The following EMP2 variants were observed in gnomAD, a reference collection of about 807,000 sequenced individuals.
EMP2 encodes epithelial membrane protein 2.
In EMP2, 19 loss-of-function variants were observed where a neutral mutation model predicts 13.7. The ratio of observed to expected loss-of-function variants is 1.38; its 90% CI spans 0.97 to 2.03. EMP2 has a LOEUF of 2.03. EMP2 is among the 30% of genes most tolerant of loss of function. EMP2 has a pLI of 0.00. For missense variants in EMP2, 253 were observed against 220.7 expected (o/e 1.15, Z -0.93); for synonymous variants, 97 against 84.7 (o/e 1.15, Z -0.80).
chr16:10,543,692 C>T (rs1231107404), intron 2 of EMP2, 32 bp from the exon 3 acceptor site: 1 of 1,607,260 alleles, frequency 6.2e-7, no homozygotes, highest in Non-Finnish European at 8.5e-7. Context: ...GAGAGAAAGG[C>T]CGTCCGTTCA....
intron 1 of EMP2, among the ~76,000 whole-genome samples, chr16:10,558,814 C>T (rs2050851323): frequency 6.6e-6 from 1 of 152,096 alleles, no homozygotes; most frequent in African/African-American, 2.4e-5. Flanking sequence ...GCCCAGCTGG[C>T]TTCCCGCGGA....
intron 1 of EMP2, chr16:10,578,242 G>A (rs887057455): frequency 6.6e-6 from 1 of 152,198 alleles, no homozygotes. Context: ...AAATGGGCTG[G>A]TTGATCCTCC....
chr16:10,563,444 G>C (rs1472381096), intron 1 of EMP2, among the ~76,000 whole-genome samples: 1 of 152,148 alleles, frequency 6.6e-6, no homozygotes, highest in Non-Finnish European at 1.5e-5. Flanking sequence ...CACCTGCCTT[G>C]GTCTCCCAAA....
intron 1 of EMP2, among the ~76,000 whole-genome samples, chr16:10,551,630 C>G (rs2050788986): frequency 6.6e-6 from 1 of 152,198 alleles, no homozygotes; most frequent in Admixed American, 6.5e-5. Context: ...TGGTCTCAAA[C>G]CCTTGACCTC....
intron 1 of EMP2, among the ~76,000 whole-genome samples, chr16:10,563,202 A>T (rs59390415): frequency 0.066 from 10,082 of 151,706 alleles, 691 homozygotes; most frequent in African/African-American, 0.18. Context: ...TATTATTATT[A>T]TTATTTTGAG....
chr16:10,553,180 C>G (rs991709626), intron 1 of EMP2, among the ~76,000 whole-genome samples: 14 of 152,208 alleles, frequency 9.2e-5, no homozygotes, highest in African/African-American at 3.1e-4. Flanking sequence ...ACCCTTTACT[C>G]CTGCATCTCT....
At chr16:10,561,077 G>C (rs953814885) in intron 1 of EMP2, among the ~76,000 whole-genome samples, 1 of 152,116 alleles carries the variant, frequency 6.6e-6, no homozygotes, top group African/African-American at 2.4e-5. Context: ...GAAATGATGA[G>C]GGTCTCAAAT....
intron 1 of EMP2, among the ~76,000 whole-genome samples, chr16:10,573,157 C>T (rs926270898): frequency 2.0e-5 from 3 of 152,200 alleles, no homozygotes; most frequent in Non-Finnish European, 4.4e-5. Context: ...TCAAGCGATC[C>T]TCCCACCTCA....
intron 1 of EMP2, among the ~76,000 whole-genome samples, chr16:10,557,598 T>C (rs1302362081): frequency 1.3e-5 from 2 of 152,280 alleles, no homozygotes; most frequent in Middle Eastern, 3.4e-3. Flanking sequence ...TCTAAATGAA[T>C]CACTTTTTCT....
At chr16:10,544,467 C>T (rs2050724672) in intron 2 of EMP2, 1 of 152,620 alleles carries the variant, frequency 6.6e-6, no homozygotes, top group Non-Finnish European at 1.5e-5. Flanking sequence ...AGGCGTGAGC[C>T]ACCACGCCTG....
intron 1 of EMP2, among the ~76,000 whole-genome samples, chr16:10,557,613 A>T (rs1034461205): frequency 6.6e-6 from 1 of 152,208 alleles, no homozygotes; most frequent in Non-Finnish European, 1.5e-5. Context: ...TTTTCTGAGT[A>T]TCCAGAAACT....
chr16:10,538,043 G>A lies in EMP2; in HGVS notation c.201C>T (p.Thr67=). Residue 67 remains threonine (T), a synonymous_variant, in exon 4 of 5, where the codon ACC becomes ACT. Coordinates refer to ENST00000359543, the MANE Select transcript of EMP2 (RefSeq NM_001424.6). The stretch of plus-strand genomic sequence containing the variant: ...AGCAGAGAATGGTGGAGAGGATCAT[G>A]GTGGCCTGGACCGCCTGCAGCGTGG... The part of the protein sequence containing the change: ...EYSTLQAVQA[T]MILSTILCCI... The A allele has an allele frequency of 1.2e-6, 2 of 1,614,048 alleles. No individual in the cohort carries two copies. Among genetic ancestry groups the A allele is most frequent in the Non-Finnish European group, 1.7e-6 (2 of 1,180,002 alleles).
rs866327956 is a variant in EMP2, at chr16:10,565,905, T to G, written c.-61+14644A>C. Among the ~76,000 whole-genome samples the G allele has an allele frequency of 1.2e-4, 18 of 152,344 alleles. No individual in the cohort carries two copies. In the South Asian group the frequency reaches 1.2e-3, roughly 11 times the overall value. ...GCCTGTCCCACTGGAGTGCTTCTGA[T>G]GATATTGCATCTGCTCAATGACATT... On this transcript the variant is annotated intron_variant, in intron 1 of 4. Coordinates refer to ENST00000359543, the MANE Select transcript of EMP2 (RefSeq NM_001424.6).
intron 1 of EMP2, among the ~76,000 whole-genome samples, chr16:10,573,386 AAC>A (rs964799292): frequency 8.5e-5 from 13 of 152,206 alleles, no homozygotes; most frequent in African/African-American, 3.1e-4. Context: ...CCAGACTGGA[AAC>A]ACATTATGTT....
At chr16:10,575,225 G>A (rs1028676173) in intron 1 of EMP2, among the ~76,000 whole-genome samples, 1 of 128,706 alleles carries the variant, frequency 7.8e-6, no homozygotes, top group African/African-American at 2.8e-5. Flanking sequence ...CCTTGGTCCT[G>A]GAGCTTGCAT....
At chr16:10,562,372 CTCTCTCT>C (rs1372085131) in intron 1 of EMP2, among the ~76,000 whole-genome samples, 2 of 132,666 alleles carry the variant, frequency 1.5e-5, no homozygotes, top group African/African-American at 5.4e-5. Context: ...CTCTCTCTCT[CTCTCTCT>C]CTATCTATCT....
chr16:10,568,694 T>A (rs1168326208), intron 1 of EMP2, among the ~76,000 whole-genome samples: 1 of 151,690 alleles, frequency 6.6e-6, no homozygotes, highest in Non-Finnish European at 1.5e-5. Flanking sequence ...ACGGTCGGAT[T>A]AAAGCTGCAT....
chr16:10,564,652 G>A (rs1488121310), intron 1 of EMP2, among the ~76,000 whole-genome samples: 1 of 151,910 alleles, frequency 6.6e-6, no homozygotes, highest in African/African-American at 2.4e-5. Flanking sequence ...ATACCCCCAG[G>A]CCTTTTTCTT....
At chr16:10,558,701 A>T (rs2050850442) in intron 1 of EMP2, among the ~76,000 whole-genome samples, 1 of 151,944 alleles carries the variant, frequency 6.6e-6, no homozygotes, top group African/African-American at 2.4e-5. Flanking sequence ...TCTTCATAAT[A>T]ACCACGAATC....
Sources: gnomAD v4.1 joint callset for allele counts (sites outside exome capture counted in the v4.1 genomes callset) on GRCh38, gnomAD v4.1.1 for gene constraint, MANE v1.5 for transcripts, NCBI Gene and HGNC (gene_info 2026-07-23, HGNC 2026-07-21) for gene names.